Variants in GPR158 observed in about 807,000 individuals in gnomAD.
GPR158 encodes the protein metabotropic glycine receptor.
In GPR158, 30 loss-of-function variants were observed where a neutral mutation model predicts 78.2. The observed-to-expected ratio is 0.38, with a 90% CI of 0.29 to 0.52. GPR158 has a LOEUF of 0.52. GPR158 is among the 20% of genes least tolerant of loss of function. The probability of loss-of-function intolerance (pLI) is 0.83; values close to 1 mark genes in which losing one functional copy is unlikely to be tolerated. For missense variants in GPR158, 1,463 were observed against 1,523.5 expected, an observed-to-expected ratio of 0.96 and a Z score of 0.66; for synonymous variants, 581 against 591.1, an observed-to-expected ratio of 0.98 and a Z score of 0.25.
chr10:25,506,641 T>G (rs1329656340), intron 5 of GPR158, among the ~76,000 whole-genome samples: 1 of 152,204 alleles, frequency 6.6e-6, no homozygotes, highest in African/African-American at 2.4e-5. Flanking sequence ...AATGAGTTTC[T>G]TAGGGATACA....
At chr10:25,192,893 T>C (rs1055571353) in intron 1 of GPR158, among the ~76,000 whole-genome samples, 3 of 152,214 alleles carry the variant, frequency 2.0e-5, no homozygotes, top group African/African-American at 7.2e-5. Context: ...TTCAACACTT[T>C]AGTAAAAAAT....
At chr10:25,461,606 G>A (rs1459737068) in intron 4 of GPR158, among the ~76,000 whole-genome samples, 1 of 152,192 alleles carries the variant, frequency 6.6e-6, no homozygotes, top group Non-Finnish European at 1.5e-5. Flanking sequence ...AGTGCTGATG[G>A]AGAAGCTGCA....
chr10:25,193,241 A>G (rs2130645011), intron 1 of GPR158, among the ~76,000 whole-genome samples: 1 of 152,320 alleles, frequency 6.6e-6, no homozygotes, highest in Admixed American at 6.5e-5. Flanking sequence ...GTAATTATTG[A>G]TAGAACCAAG....
At chr10:25,330,206 T>C (rs1855098731) in intron 2 of GPR158, among the ~76,000 whole-genome samples, 1 of 152,178 alleles carries the variant, frequency 6.6e-6, no homozygotes, top group Non-Finnish European at 1.5e-5. Context: ...TTATTTCCTT[T>C]AACTTTTTAA....
chr10:25,432,515 G>A (rs1329267), intron 4 of GPR158, among the ~76,000 whole-genome samples: 106,390 of 152,002 alleles, frequency 0.7, 38,233 homozygotes, highest in Non-Finnish European at 0.8. Context: ...TGTAGTGCAA[G>A]CTGGGAAAAA....
intron 4 of GPR158, among the ~76,000 whole-genome samples, chr10:25,418,205 T>C (rs139047999): frequency 2.3e-3 from 357 of 152,324 alleles, no homozygotes; most frequent in Non-Finnish European, 2.6e-3. Context: ...TGCATGGTTC[T>C]TCCAGGAAAG....
At chr10:25,249,289 T>G (rs984482556) in intron 2 of GPR158, among the ~76,000 whole-genome samples, 3 of 152,292 alleles carry the variant, frequency 2.0e-5, no homozygotes, top group Middle Eastern at 3.4e-3. Context: ...TTTTCCTAAT[T>G]GAATACCCTT....
rs566727690 is a variant in GPR158 at position 25,175,569 on chromosome 10, G to A, written c.149G>A (p.Gly50Asp). ...GGGAAGCCGCACGCCCAGCAGCCGG[G>A]TCGAGCCTCTGCCTCGGACTCCTCG... ...PKGKPHAQQP[G>D]RASASDSSAP... Residue 50 changes from glycine to aspartate, a missense_variant, in exon 1 of 11, where the codon GGT becomes GAT. Coordinates refer to ENST00000376351, the MANE Select transcript of GPR158 (RefSeq NM_020752.3). This position sits in a 1 kb window ranked among gnomAD's most constrained non-coding sequence, Gnocchi z 6.4. The A allele has an allele frequency of 5.6e-6, 9 of 1,611,046 alleles. No homozygotes were observed. The East Asian group carries it at 1.8e-4, about 32-fold the overall frequency.
chr10:25,254,388 A>G (rs1358054963), intron 2 of GPR158, among the ~76,000 whole-genome samples: 1 of 152,202 alleles, frequency 6.6e-6, no homozygotes, highest in African/African-American at 2.4e-5. Context: ...CTGAAGAACA[A>G]AGCTTATCAC....
chr10:25,517,573 TA>T (rs1836197473), intron 5 of GPR158, among the ~76,000 whole-genome samples: 1 of 152,166 alleles, frequency 6.6e-6, no homozygotes, highest in South Asian at 2.1e-4. Flanking sequence ...TGAGAGTTTT[TA>T]GCATGAAGGG....
chr10:25,598,153 A>T lies in GPR158; in HGVS notation c.2527A>T (p.Thr843Ser), dbSNP rs752069452. ...ACCCACAGAAAGCCAAGAGGAGGAG[A>T]CAACAGAAAATTCCACACTGGAATC... Reference protein sequence around the residue: ...SLPTESQEEETTENSTLESLS... With the variant: ...SLPTESQEEESTENSTLESLS... The change falls in exon 11 of 11, where the codon ACA becomes TCA. Residue 843 changes from threonine to serine, a missense_variant. By Grantham distance (58) the Thr-to-Ser change is moderately conservative (BLOSUM62 1). Coordinates refer to ENST00000376351, the MANE Select transcript of GPR158 (RefSeq NM_020752.3). 1.2e-6 allele frequency: 2 copies of T among 1,614,158 alleles called. No homozygotes were observed. Among genetic ancestry groups the T allele is most frequent in the Non-Finnish European group, 1.7e-6 (2 of 1,180,032 alleles).
chr10:25,186,790 AG>A (rs548016216), intron 1 of GPR158, among the ~76,000 whole-genome samples: 2,158 of 152,232 alleles, frequency 0.014, 53 homozygotes, highest in African/African-American at 0.05. Context: ...ATTCTACCAG[AG>A]GTACAAGGAG....
rs1328276669 is a variant in GPR158, at chr10:25,518,245, T to G, written c.1405-32731T>G. On this transcript the variant is annotated intron_variant, in intron 5 of 10. Transcript: ENST00000376351. ...CCCCTTTATCATTTTTTATTGTGTC[T>G]ATTTGATTCTTCTCTCTTTTTTTCT... Among the ~76,000 whole-genome samples, 2 of 86,814 alleles carry G rather than the reference T, an allele frequency of 2.3e-5. 1 individual carries two copies. The highest frequency in any genetic ancestry group is 7.3e-4 in the South Asian group (2 of 2,748). 57.0% of individuals were successfully genotyped at this position (86,814 alleles called of 152,430 possible). A position where few individuals can be genotyped will look rare whatever the true frequency, so the allele number is the denominator to read the frequency against.
intron 2 of GPR158, among the ~76,000 whole-genome samples, chr10:25,240,382 G>A (rs538843068): frequency 5.9e-5 from 9 of 152,210 alleles, no homozygotes; most frequent in East Asian, 1.9e-4. Context: ...GGTGGTGCAC[G>A]CCTGTAATCC....
chr10:25,546,386 A>T (rs1836662433), intron 5 of GPR158, among the ~76,000 whole-genome samples: 1 of 152,148 alleles, frequency 6.6e-6, no homozygotes, highest in East Asian at 1.9e-4. Context: ...AGACTTATGC[A>T]TCCTTTTCTT....
intron 2 of GPR158, among the ~76,000 whole-genome samples, chr10:25,292,648 G>A (rs996275945): frequency 1.3e-5 from 2 of 151,904 alleles, no homozygotes; most frequent in Admixed American, 6.6e-5. Flanking sequence ...AATAAATGAG[G>A]TCTTTAAAGA....
intron 2 of GPR158, among the ~76,000 whole-genome samples, chr10:25,338,461 TACGTATATTATACGTATAATATACGTATA>T (rs1310122629): frequency 2.4e-5 from 3 of 125,854 alleles, no homozygotes; most frequent in Non-Finnish European, 5.0e-5. Context: ...ATATATATAT[TACGTATATTATACGTATAATATACGTATA>T]ATATACGTAT....
At chr10:25,334,661 G>T (rs1226333530) in intron 2 of GPR158, among the ~76,000 whole-genome samples, 4 of 151,916 alleles carry the variant, frequency 2.6e-5, no homozygotes, top group African/African-American at 9.7e-5. Flanking sequence ...AGAATTGCTG[G>T]CTCACTTCAG....
chr10:25,574,430 A>T (rs1370302705), intron 7 of GPR158, among the ~76,000 whole-genome samples: 1 of 152,196 alleles, frequency 6.6e-6, no homozygotes, highest in African/African-American at 2.4e-5. Flanking sequence ...AAAAGTTATT[A>T]AAAAGCAAAG....
Sources: allele counts gnomAD v4.1 joint callset (sites outside exome capture counted in the v4.1 genomes callset), GRCh38; gene constraint gnomAD v4.1.1; non-coding constraint Gnocchi (gnomAD v3.1); transcripts MANE v1.5; gene names NCBI Gene and HGNC (gene_info 2026-07-23, HGNC 2026-07-21).